CCSER1: variants seen among roughly 807,000 people sequenced by gnomAD.
CCSER1 encodes coiled-coil serine rich protein 1, also known as serine-rich coiled-coil domain-containing protein 1.
In CCSER1, 41 loss-of-function variants were observed where a neutral mutation model predicts 82.0. The ratio of observed to expected loss-of-function variants is 0.50; its 90% confidence interval spans 0.39 to 0.65. CCSER1 has a LOEUF of 0.65. Among genes scored for constraint, CCSER1 ranks in the 30% least tolerant of loss-of-function variants. The pLI is 0.00. For synonymous variants in CCSER1, 414 were observed against 383.9 expected, an observed-to-expected ratio of 1.08 and a Z score of -0.92; for missense variants, 1,119 against 1,064.2, an observed-to-expected ratio of 1.05 and a Z score of -0.72.
intron 5 of CCSER1, among the ~76,000 whole-genome samples, chr4:90,582,939 T>C (rs975889662): frequency 6.6e-6 from 1 of 152,230 alleles, no homozygotes; most frequent in East Asian, 1.9e-4. Flanking sequence ...CTTGTATTGA[T>C]ATACTGATCT....
At chr4:91,233,283 CATTTT>C (rs1738762485) in intron 10 of CCSER1, among the ~76,000 whole-genome samples, 1 of 151,790 alleles carries the variant, frequency 6.6e-6, no homozygotes, top group African/African-American at 2.4e-5. Flanking sequence ...AGAAAAAAAT[CATTTT>C]ATTTTAATAA....
intron 10 of CCSER1, among the ~76,000 whole-genome samples, chr4:91,438,606 A>C (rs1474935422): frequency 6.6e-6 from 1 of 152,236 alleles, no homozygotes; most frequent in African/African-American, 2.4e-5. Context: ...ATAATTCATC[A>C]CCAGCAACGG....
intron 1 of CCSER1, among the ~76,000 whole-genome samples, chr4:90,306,214 T>A (rs373298610): frequency 3.7e-4 from 56 of 152,104 alleles, no homozygotes; most frequent in Admixed American, 2.0e-3. Context: ...AATGGGGAAA[T>A]AATGTTCAGA....
At position 91,164,638 on chromosome 4, in the gene CCSER1, C is replaced by T. The variant is rs562313531; in HGVS notation, c.2217+78644C>T. On this transcript the variant is annotated intron_variant, in intron 10 of 10. Coordinates refer to ENST00000509176, the MANE Select transcript of CCSER1 (RefSeq NM_001145065.2). ...TAGGCTTTGTTCATTTCTTTCTATT[C>T]TTTTTTCTCTAAACTTCTCTTCTCA... Among the ~76,000 whole-genome samples, 7 of 152,188 alleles carry T rather than the reference C, an allele frequency of 4.6e-5. No individual in the cohort carries two copies. The East Asian group carries it at 1.2e-3, about 25-fold the overall frequency.
At chr4:90,131,040 C>T (rs1020358901) in intron 1 of CCSER1, among the ~76,000 whole-genome samples, 1 of 152,186 alleles carries the variant, frequency 6.6e-6, no homozygotes, top group South Asian at 2.1e-4. Context: ...TCTTGTCGCC[C>T]AGGCTGGAGT....
chr4:90,944,357 A>T (rs1731979471), intron 9 of CCSER1, among the ~76,000 whole-genome samples: 1 of 152,128 alleles, frequency 6.6e-6, no homozygotes, highest in Non-Finnish European at 1.5e-5. Flanking sequence ...GTCAAATTAG[A>T]CTCATACCAA....
At chr4:90,341,757 G>T (rs1741420119) in intron 3 of CCSER1, among the ~76,000 whole-genome samples, 1 of 152,028 alleles carries the variant, frequency 6.6e-6, no homozygotes, top group Non-Finnish European at 1.5e-5. Flanking sequence ...ACCAAATACA[G>T]TTAATAAATA....
intron 10 of CCSER1, among the ~76,000 whole-genome samples, chr4:91,123,453 T>G (rs1329020679): frequency 6.6e-6 from 1 of 151,754 alleles, no homozygotes; most frequent in Non-Finnish European, 1.5e-5. Flanking sequence ...AAGATAGTCA[T>G]CTTTGTATTT....
chr4:90,651,064 T>C (rs6816569), intron 6 of CCSER1, among the ~76,000 whole-genome samples: 126,488 of 152,132 alleles, frequency 0.83, 52,601 homozygotes, highest in East Asian at 0.91. Flanking sequence ...TAATAGTAGA[T>C]GAGAAAGGCT....
rs111318518 is a variant in CCSER1 at position 91,458,018 on chromosome 4, A to G, written c.2218-140554A>G. ...TTTATATAGTTATGTATATTCTAGA[A>G]TGCCATGCTTTAGCTTTAGTAGCCA... On this transcript the variant is annotated intron_variant, in intron 10 of 10. Transcript: ENST00000509176. Among the ~76,000 whole-genome samples, 699 of 152,282 alleles carry G rather than the reference A, an allele frequency of 4.6e-3. 2 individuals carry two copies. Among genetic ancestry groups the G allele is most frequent in the African/African-American group, 0.016 (665 of 41,556 alleles).
At chr4:91,256,120 A>T (rs1740658235) in intron 10 of CCSER1, among the ~76,000 whole-genome samples, 1 of 152,122 alleles carries the variant, frequency 6.6e-6, no homozygotes, top group Admixed American at 6.6e-5. Context: ...GCCTTGGGAA[A>T]AGAATGCATT....
At chr4:90,634,573 G>C (rs1013238243) in intron 6 of CCSER1, among the ~76,000 whole-genome samples, 1 of 151,450 alleles carries the variant, frequency 6.6e-6, no homozygotes, top group African/African-American at 2.4e-5. Flanking sequence ...TGATTCAAAG[G>C]GCATTAATAA....
At chr4:90,402,764 A>C (rs1753065953) in intron 4 of CCSER1, among the ~76,000 whole-genome samples, 1 of 152,204 alleles carries the variant, frequency 6.6e-6, no homozygotes, top group Non-Finnish European at 1.5e-5. Flanking sequence ...CTTGGGGACA[A>C]AATCAACCTC....
intron 1 of CCSER1, among the ~76,000 whole-genome samples, chr4:90,304,681 G>T (rs952727893): frequency 9.2e-5 from 14 of 151,974 alleles, no homozygotes; most frequent in Non-Finnish European, 1.8e-4. Context: ...ATAGCTTTAG[G>T]AGATATACCT....
chr4:91,080,601 C>G (rs1004087809), intron 9 of CCSER1, among the ~76,000 whole-genome samples: 51 of 152,024 alleles, frequency 3.4e-4, no homozygotes, highest in Non-Finnish European at 7.4e-5. Context: ...GCACAAAAAA[C>G]CCTTCAAAAA....
chr4:90,900,620 T>G, intron 8 of CCSER1, among the ~76,000 whole-genome samples: 1 of 151,952 alleles, frequency 6.6e-6, no homozygotes, highest in East Asian at 1.9e-4. Context: ...GTAGTTCTAG[T>G]ATTGATTTCT....
At chr4:91,519,986 A>G (rs571284649) in intron 10 of CCSER1, among the ~76,000 whole-genome samples, 1 of 148,958 alleles carries the variant, frequency 6.7e-6, no homozygotes, top group African/African-American at 2.5e-5. Flanking sequence ...CCTCTTGATT[A>G]AAGTATTTTG....
chr4:91,396,912 G>A (rs1752017625), intron 10 of CCSER1, among the ~76,000 whole-genome samples: 1 of 151,954 alleles, frequency 6.6e-6, no homozygotes, highest in African/African-American at 2.4e-5. Flanking sequence ...GATAGGAATT[G>A]AAAAGGACCA....
chr4:90,637,520 G>A (rs1206281937), intron 6 of CCSER1, among the ~76,000 whole-genome samples: 6 of 152,086 alleles, frequency 3.9e-5, no homozygotes, highest in African/African-American at 1.4e-4. Context: ...CTGTCTACCA[G>A]TCAATGGTGT....
Sources: gnomAD v4.1 joint callset for allele counts (sites outside exome capture counted in the v4.1 genomes callset) on GRCh38, gnomAD v4.1.1 for gene constraint, MANE v1.5 for transcripts, NCBI Gene and HGNC (gene_info 2026-07-23, HGNC 2026-07-21) for gene names.